Variants in TNNT1 observed in about 807,000 individuals in gnomAD.
TNNT1 encodes troponin T1, slow skeletal type.
Under a neutral mutation model 50.6 loss-of-function variants are expected in TNNT1, and 53 were observed. The observed-to-expected ratio is 1.05, with a 90% CI of 0.84 to 1.32. The LOEUF (loss-of-function observed/expected upper bound fraction) is 1.32, where lower values mean the gene tolerates loss of function less well. Ranked by LOEUF, TNNT1 falls within the 40% of genes most tolerant of loss-of-function variation. The pLI is 0.00. For missense variants in TNNT1, 348 were observed against 381.7 expected (o/e 0.91, Z 0.74); for synonymous variants, 142 against 138.0 (o/e 1.03, Z -0.20).
chr19:55,145,171 T>C (rs1351314104), intron 6 of TNNT1, among the ~76,000 whole-genome samples: 1 of 147,796 alleles, frequency 6.8e-6, no homozygotes, highest in African/African-American at 2.5e-5. Context: ...TGGTGGCACA[T>C]GCCTGTGGTC....
intron 13 of TNNT1, chr19:55,133,680 TAAA>T (rs377688637): frequency 3.1e-4 from 152 of 489,092 alleles, no homozygotes; most frequent in Non-Finnish European, 3.7e-4. Flanking sequence ...GCAGTCTCAA[TAAA>T]AAAAAAAAAA....
At chr19:55,141,769 C>A in intron 7 of TNNT1, 88 bp downstream of exon 7, 1 of 1,517,520 alleles carries the variant, frequency 6.6e-7, no homozygotes. Flanking sequence ...CATGAGGCCC[C>A]GCGCCCGGCC....
intron 9 of TNNT1, among the ~76,000 whole-genome samples, chr19:55,138,530 G>A (rs1051237299): frequency 2.0e-5 from 3 of 152,092 alleles, no homozygotes; most frequent in East Asian, 1.9e-4. Flanking sequence ...CGCCTGCCTC[G>A]GCCTCCCGGA....
At chr19:55,146,823 G>A (rs2085564826) in intron 3 of TNNT1, 116 bp from the exon 4 acceptor site, 1 of 1,161,594 alleles carries the variant, frequency 8.6e-7, no homozygotes, top group East Asian at 2.6e-5. Context: ...CCTCGGCTGC[G>A]ATGGGCACGT....
chr19:55,134,092 C>G lies in TNNT1; in HGVS notation c.724G>C (p.Ala242Pro). 1 of 1,612,942 alleles carries G rather than the reference C, an allele frequency of 6.2e-7. No homozygotes were observed. Among genetic ancestry groups the G allele is most frequent in the East Asian group, 2.2e-5 (1 of 44,868 alleles). Residue 242 changes from alanine (A) to proline (P), a missense_variant, in exon 12 of 14, where the codon GCG (alanine) becomes CCG (proline). Transcript: ENST00000588981. ...QLESEKFDLM[A>P]KLKQQKYEIN... ...TCATATTTCTGCTGTTTCAGCTTCG[C>G]CATCAGGTCGAACTTCTCAGACTCC...
rs2085561415 is a variant in TNNT1, at chr19:55,146,692, T to TC, written c.61dup (p.Glu21GlyfsTer42). On this transcript the variant is annotated frameshift_variant, in exon 4 of 14. Coordinates refer to ENST00000588981, the MANE Select transcript of TNNT1 (RefSeq NM_003283.6). LOFTEE classifies it high-confidence loss of function. Reference sequence around the variant, plus strand: ...GTCCGGGACCTCACCTTCCTCCTCCTCCTCCGCAGCCTCCTCTGGAGATGG... The same window carrying TC: ...GTCCGGGACCTCACCTTCCTCCTCCTCCCTCCGCAGCCTCCTCTGGAGATGG... 7.1e-7 allele frequency: 1 copy of TC among 1,408,970 alleles called. No individual in the cohort carries two copies. The highest frequency in any genetic ancestry group is 1.5e-5 in the African/African-American group (1 of 67,032). The allele number at this position is 1,408,970 out of a possible 1,614,324, so 87.3% of individuals were successfully genotyped here.
intron 6 of TNNT1, among the ~76,000 whole-genome samples, chr19:55,142,891 C>T (rs954118708): frequency 2.0e-5 from 3 of 149,506 alleles, no homozygotes; most frequent in African/African-American, 7.4e-5. Context: ...AGCCTGGGCG[C>T]GGTGGCTCAC....
intron 11 of TNNT1, among the ~76,000 whole-genome samples, chr19:55,136,816 G>A (rs371110516): frequency 3.9e-5 from 6 of 152,120 alleles, no homozygotes; most frequent in East Asian, 1.9e-4. Context: ...GGCACATCAC[G>A]GAGTTAACAA....
chr19:55,145,617 G>C (rs777538551), intron 5 of TNNT1, 52 bp from the exon 6 acceptor site: 7 of 1,607,820 alleles, frequency 4.4e-6, no homozygotes, highest in South Asian at 3.3e-5. Flanking sequence ...TTAGAGGAGA[G>C]GGGCTAGGCC....
intron 9 of TNNT1, 138 bp from the exon 10 acceptor site, chr19:55,138,212 C>G: frequency 1.4e-6 from 2 of 1,480,724 alleles, no homozygotes; most frequent in Non-Finnish European, 1.8e-6. Context: ...CCAGCAGAAA[C>G]GCAGGGGTAC....
rs1286493161 is a variant in TNNT1, at chr19:55,132,904, G to GGGCGGCATCCTCACTTCC, written c.830_*10dup. On this transcript the variant is annotated 3_prime_UTR_variant, in exon 14 of 14. Coordinates refer to ENST00000588981, the MANE Select transcript of TNNT1 (RefSeq NM_003283.6). ...CAGGCTTCCCAGGTGCCACTGTCCG[G>GGGCGGCATCCTCACTTCC]GGCGGCATCCTCACTTCCAGCGGCC... 2 of 1,599,484 alleles carry GGGCGGCATCCTCACTTCC rather than the reference G, an allele frequency of 1.3e-6. No homozygotes were observed. Among genetic ancestry groups the GGGCGGCATCCTCACTTCC allele is most frequent in the East Asian group, 2.3e-5 (1 of 44,444 alleles).
intron 11 of TNNT1, among the ~76,000 whole-genome samples, chr19:55,135,114 A>G (rs1453692424): frequency 1.3e-5 from 2 of 152,112 alleles, no homozygotes; most frequent in African/African-American, 4.8e-5. Context: ...ACTTTGCCCA[A>G]TCTCCCTTGC....
intron 7 of TNNT1, among the ~76,000 whole-genome samples, chr19:55,141,536 T>C (rs1259208748): frequency 1.7e-5 from 2 of 117,148 alleles, no homozygotes; most frequent in Admixed American, 1.9e-4. Flanking sequence ...CAGGCTGGAG[T>C]GAAATGGCGC....
intron 11 of TNNT1, among the ~76,000 whole-genome samples, chr19:55,135,717 G>A (rs1011684560): frequency 7.2e-5 from 11 of 151,836 alleles, no homozygotes; most frequent in Admixed American, 2.6e-4. Flanking sequence ...AGTAGAGATG[G>A]GATTTCATCA....
At chr19:55,135,810 C>G (rs990599283) in intron 11 of TNNT1, among the ~76,000 whole-genome samples, 3 of 152,130 alleles carry the variant, frequency 2.0e-5, no homozygotes, top group Non-Finnish European at 1.5e-5. Context: ...TGTGAGCCGC[C>G]GCGCCCGCCC....
chr19:55,136,722 G>C (rs1249784108), intron 11 of TNNT1, among the ~76,000 whole-genome samples: 2 of 152,200 alleles, frequency 1.3e-5, no homozygotes, highest in Non-Finnish European at 2.9e-5. Context: ...CTTGGCTATA[G>C]ATGCGAGGGA....
At position 55,140,937 on chromosome 19, in the gene TNNT1, G is replaced by A. The variant is rs1316099800; in HGVS notation, c.333C>T (p.Ala111=). The change falls in exon 9 of 14, where the codon GCC becomes GCT. Residue 111 remains alanine, a synonymous_variant. Transcript: ENST00000588981. ...TCTCAGTTCTGAAGCGCTGTTGCTC[G>A]GCTCTCTCTGACCGGCGCCGCTCCT... The part of the protein sequence containing the change: ...ERIERRRSER[A]EQQRFRTEKE... 1 of 1,613,724 alleles carries A rather than the reference G, an allele frequency of 6.2e-7. No individual in the cohort carries two copies. The highest frequency in any genetic ancestry group is 1.3e-5 in the African/African-American group (1 of 74,874).
chr19:55,141,560 C>G (rs1301466620), intron 7 of TNNT1, among the ~76,000 whole-genome samples: 1 of 151,330 alleles, frequency 6.6e-6, no homozygotes, highest in Non-Finnish European at 1.5e-5. Flanking sequence ...CTCGGCTCAC[C>G]GCCACCTCCG....
In TNNT1 at chr19:55,133,908, C is replaced by A. The variant is rs201401321; in HGVS notation, c.770G>T (p.Arg257Leu). ...QKYEINVLYN[R>L]ISHAQKFRKG... is the part of the protein sequence containing the mutation. ...TCACAACTTCTGGGCGTGGCTGATGCGGTTGTACAGCACGTTGATCTGCGG... is the reference window on the plus strand; with the variant it reads ...TCACAACTTCTGGGCGTGGCTGATGAGGTTGTACAGCACGTTGATCTGCGG... Residue 257 changes from arginine to leucine, a missense_variant, in exon 13 of 14, where the codon CGC becomes CTC. Physicochemically the swap from Arg to Leu is moderately radical, Grantham distance 102. Coordinates refer to ENST00000588981, the MANE Select transcript of TNNT1 (RefSeq NM_003283.6). 1 of 1,613,770 alleles carries A rather than the reference C, an allele frequency of 6.2e-7. No homozygotes were observed. The highest frequency in any genetic ancestry group is 8.5e-7 in the Non-Finnish European group (1 of 1,180,016).
Sources: gnomAD v4.1 joint callset for allele counts (sites outside exome capture counted in the v4.1 genomes callset) on GRCh38, gnomAD v4.1.1 for gene constraint, MANE v1.5 for transcripts, NCBI Gene and HGNC (gene_info 2026-07-23, HGNC 2026-07-21) for gene names.